Variants in C2orf76 observed in about 807,000 individuals in gnomAD.
The protein encoded by C2orf76 is UPF0538 protein C2orf76.
C2orf76 carries 23 observed loss-of-function variants against 16.9 expected under a neutral mutation model. The observed-to-expected ratio is 1.36, with a 90% confidence interval of 0.98 to 1.93. The LOEUF (loss-of-function observed/expected upper bound fraction) is 1.93. C2orf76 is among the 30% of genes most tolerant of loss of function. The probability of loss-of-function intolerance (pLI) is 0.00; values close to 1 mark genes in which losing one functional copy is unlikely to be tolerated. For synonymous variants in C2orf76, 48 were observed against 52.3 expected (o/e 0.92, Z 0.35); for missense variants, 152 against 152.6 (o/e 1.00, Z 0.02).
At chr2:119,348,558 C>T (rs916779783) in intron 1 of C2orf76, among the ~76,000 whole-genome samples, 3 of 151,968 alleles carry the variant, frequency 2.0e-5, no homozygotes, top group East Asian at 1.9e-4. Flanking sequence ...TGGTGGTGCG[C>T]GCCTGTAATC....
At chr2:119,319,123 C>G (rs1363251198) in intron 3 of C2orf76, among the ~76,000 whole-genome samples, 1 of 152,020 alleles carries the variant, frequency 6.6e-6, no homozygotes, top group African/African-American at 2.4e-5. Flanking sequence ...TGCAATCAAC[C>G]TGCAAAACTA....
chr2:119,362,016 G>A (rs1423715814), intron 1 of C2orf76, among the ~76,000 whole-genome samples: 1 of 152,026 alleles, frequency 6.6e-6, no homozygotes, highest in East Asian at 1.9e-4. Context: ...TTGAACAATA[G>A]GAGTCCAACT....
In C2orf76 at chr2:119,351,773, C is replaced by T. The variant is rs190349939; in HGVS notation, c.-12-11802G>A. ...AGATCCTGTCTCAAAAAAAAAAAAG[C>T]ATAGTGTTGTCTTGTTTGACTTCAG... On this transcript the variant is annotated intron_variant, in intron 1 of 5. Coordinates refer to ENST00000334816, the MANE Select transcript of C2orf76 (RefSeq NM_001322331.2). Among the ~76,000 whole-genome samples the T allele has an allele frequency of 1.6e-4, 24 of 151,746 alleles. No homozygotes were observed. The East Asian group carries it at 3.9e-3, about 24-fold the overall frequency.
At chr2:119,283,994 G>A in the C2orf76 span, among the ~76,000 whole-genome samples, 4,117 of 152,262 alleles carry the variant, frequency 0.027, 86 homozygotes, top group East Asian at 0.13. Context: ...CAGCCAAGGC[G>A]TCCTGTGCCA....
rs1343969457 is a variant in C2orf76, at chr2:119,366,802, T to C, written c.-25A>G. 8.7e-6 allele frequency: 5 copies of C among 577,328 alleles called. No individual in the cohort carries two copies. Among genetic ancestry groups the C allele is most frequent in the Non-Finnish European group, 6.1e-6 (2 of 326,462 alleles). 35.8% of individuals were successfully genotyped at this position (577,328 alleles called of 1,614,324 possible). A position where few individuals can be genotyped will look rare whatever the true frequency, so the allele number is the denominator to read the frequency against. ...CCGTTGTCCCCACCTGTTCCCGGCG[T>C]CCCCTTCGGCTACTCCCGGCGTTTG... is the stretch of plus-strand genomic sequence containing the variant. On this transcript the variant is annotated 5_prime_UTR_variant, in exon 1 of 6. Coordinates refer to ENST00000334816, the MANE Select transcript of C2orf76 (RefSeq NM_001322331.2).
chr2:119,304,343 A>AT (rs1440317090), intron 5 of C2orf76, among the ~76,000 whole-genome samples: 1 of 152,196 alleles, frequency 6.6e-6, no homozygotes, highest in African/African-American at 2.4e-5. Flanking sequence ...TGTAATTACA[A>AT]TTTTCACTTA....
At chr2:119,343,677 A>G (rs1036014086) in intron 1 of C2orf76, among the ~76,000 whole-genome samples, 1 of 152,212 alleles carries the variant, frequency 6.6e-6, no homozygotes, top group Non-Finnish European at 1.5e-5. Context: ...ACATGCCTGT[A>G]GTCCCAGCTA....
At chr2:119,348,191 A>G (rs1680268082) in intron 1 of C2orf76, among the ~76,000 whole-genome samples, 1 of 152,226 alleles carries the variant, frequency 6.6e-6, no homozygotes, top group African/African-American at 2.4e-5. Flanking sequence ...TAAGTGCGCA[A>G]AGGTGTACAT....
At chr2:119,291,696 C>A in the C2orf76 span, among the ~76,000 whole-genome samples, 1 of 152,020 alleles carries the variant, frequency 6.6e-6, no homozygotes, top group African/African-American at 2.4e-5. Context: ...GACACCCCTG[C>A]CTTGTAGGAA....
At chr2:119,293,918 C>CATCT in the C2orf76 span, among the ~76,000 whole-genome samples, 14 of 152,196 alleles carry the variant, frequency 9.2e-5, no homozygotes, top group African/African-American at 3.1e-4. Flanking sequence ...TCATCTGAGG[C>CATCT]ATCTATCAGA....
At chr2:119,361,973 A>G (rs1680760813) in intron 1 of C2orf76, among the ~76,000 whole-genome samples, 2 of 152,096 alleles carry the variant, frequency 1.3e-5, no homozygotes, top group Admixed American at 6.5e-5. Flanking sequence ...ACCTCACTGC[A>G]GCCTTGTCAC....
chr2:119,333,025 C>A (rs1679726179), intron 2 of C2orf76, among the ~76,000 whole-genome samples: 1 of 152,152 alleles, frequency 6.6e-6, no homozygotes, highest in Admixed American at 6.5e-5. Context: ...AGCCACCACG[C>A]CAGGCCAAGT....
chr2:119,321,177 G>A lies in C2orf76; in HGVS notation c.161C>T (p.Pro54Leu). The A allele has an allele frequency of 1.4e-6, 2 of 1,436,032 alleles. No homozygotes were observed. The highest frequency in any genetic ancestry group is 1.4e-5 in the South Asian group (1 of 73,928). The allele number at this position is 1,436,032 out of a possible 1,614,324, so 89.0% of individuals were successfully genotyped here. ...ACCATATTTATAATTTCTGAATGGTGGTGGCAGGTTGGTCCTTAAAGGGAT... is the reference window on the plus strand; with the variant it reads ...ACCATATTTATAATTTCTGAATGGTAGTGGCAGGTTGGTCCTTAAAGGGAT... ...QDIPLRTNLP[P>L]PFRNYKYDAL... Residue 54 changes from proline (P) to leucine (L), a missense_variant, in exon 3 of 6, where the codon CCA (proline) becomes CTA (leucine). By Grantham distance (98) the Pro-to-Leu change is moderately conservative. Transcript: ENST00000334816.
chr2:119,303,105 G>T (rs1678669102), intron 5 of C2orf76, among the ~76,000 whole-genome samples: 1 of 152,174 alleles, frequency 6.6e-6, no homozygotes, highest in South Asian at 2.1e-4. Flanking sequence ...AATTCATGCG[G>T]CTTCAACAAT....
At chr2:119,328,899 ATCTT>A (rs1369062251) in intron 2 of C2orf76, among the ~76,000 whole-genome samples, 1 of 152,112 alleles carries the variant, frequency 6.6e-6, no homozygotes, top group African/African-American at 2.4e-5. Context: ...TTTTCCAGAG[ATCTT>A]TCTGTTATTG....
the C2orf76 span, among the ~76,000 whole-genome samples, chr2:119,283,693 T>C: frequency 6.6e-6 from 1 of 152,110 alleles, no homozygotes; most frequent in Non-Finnish European, 1.5e-5. Flanking sequence ...CAGCCTGGTC[T>C]TGAACTCCTG....
At chr2:119,345,747 T>G (rs1447067985) in intron 1 of C2orf76, among the ~76,000 whole-genome samples, 1 of 152,148 alleles carries the variant, frequency 6.6e-6, no homozygotes, top group Non-Finnish European at 1.5e-5. Flanking sequence ...ATAGAAGAAT[T>G]ACAGCTAAAA....
chr2:119,331,508 T>A (rs1281630330), intron 2 of C2orf76, among the ~76,000 whole-genome samples: 1 of 152,148 alleles, frequency 6.6e-6, no homozygotes, highest in East Asian at 1.9e-4. Flanking sequence ...TCTTCAAAGA[T>A]CCTCTGCAAA....
At chr2:119,297,164 T>G in the C2orf76 span, among the ~76,000 whole-genome samples, 1 of 152,354 alleles carries the variant, frequency 6.6e-6, no homozygotes, top group East Asian at 1.9e-4. Context: ...CACAAAACTC[T>G]GCAAAGTGGC....
Sources: allele counts gnomAD v4.1 joint callset (sites outside exome capture counted in the v4.1 genomes callset), GRCh38; gene constraint gnomAD v4.1.1; transcripts MANE v1.5; gene names NCBI Gene and HGNC (gene_info 2026-07-23, HGNC 2026-07-21).